Variants in MCTP2 observed in about 807,000 individuals in gnomAD.
The protein encoded by MCTP2 is multiple C2 and transmembrane domain-containing protein 2.
In MCTP2, 132 loss-of-function variants were observed where a neutral mutation model predicts 111.6. The ratio of observed to expected loss-of-function variants is 1.18; its 90% confidence interval spans 1.03 to 1.37. MCTP2 has a LOEUF of 1.37. Ranked by LOEUF, MCTP2 falls within the 40% of genes most tolerant of loss-of-function variation. The pLI, the probability that MCTP2 is intolerant of heterozygous loss-of-function variation, is 0.00. For synonymous variants in MCTP2, 395 were observed against 387.7 expected (o/e 1.02, Z -0.22); for missense variants, 1,183 against 1,067.9 (o/e 1.11, Z -1.50).
chr15:94,437,155 CAAAAAAAAA>C (rs11352999), intron 17 of MCTP2, among the ~76,000 whole-genome samples: 976 of 69,642 alleles, frequency 0.014, 18 homozygotes, highest in African/African-American at 0.05. Context: ...CTTACACATC[CAAAAAAAAA>C]AAAAAAAAAA....
chr15:94,248,742 A>T (rs1416345361), intron 1 of MCTP2, among the ~76,000 whole-genome samples: 2 of 152,220 alleles, frequency 1.3e-5, no homozygotes, highest in Non-Finnish European at 2.9e-5. Context: ...TGTTTGGTGA[A>T]CAATGAGCCA....
chr15:94,386,614 A>G (rs983089759), intron 14 of MCTP2, among the ~76,000 whole-genome samples: 2 of 152,254 alleles, frequency 1.3e-5, no homozygotes, highest in East Asian at 1.9e-4. Flanking sequence ...GCTCTCAGAG[A>G]GGAGATGGCA....
intron 1 of MCTP2, among the ~76,000 whole-genome samples, chr15:94,290,327 T>C (rs540125988): frequency 6.6e-6 from 1 of 152,302 alleles, no homozygotes; most frequent in African/African-American, 2.4e-5. Flanking sequence ...TCTGTTCCAA[T>C]TGAAGTGGTA....
chr15:94,234,198 T>G (rs1286919307), intron 1 of MCTP2, among the ~76,000 whole-genome samples: 1 of 152,036 alleles, frequency 6.6e-6, no homozygotes, highest in African/African-American at 2.4e-5. Flanking sequence ...GAGGAGAGTA[T>G]GTAGGGGATA....
At chr15:94,464,441 G>A (rs2085475120) in intron 20 of MCTP2, among the ~76,000 whole-genome samples, 1 of 150,436 alleles carries the variant, frequency 6.6e-6, no homozygotes, top group Non-Finnish European at 1.5e-5. Flanking sequence ...ACTCTTCTAT[G>A]CTTGATATTG....
rs1168909587 is a variant in MCTP2 at position 94,390,090 on chromosome 15, GTATATATATATATATATA to G, written c.1788+4571_1788+4588del. On this transcript the variant is annotated intron_variant, in intron 14 of 22. Transcript: ENST00000357742. The stretch of plus-strand genomic sequence containing the variant: ...TATATATATATATATATATATATAT[GTATATATATATATATATA>G]TATATGTATATATATATATATATAC... Among the ~76,000 whole-genome samples, 205 of 64,928 alleles carry G rather than the reference GTATATATATATATATATA, an allele frequency of 3.2e-3. 8 individuals carry two copies. Among genetic ancestry groups the G allele is most frequent in the Middle Eastern group, 8.9e-3 (1 of 112 alleles). The allele number at this position is 64,928 out of a possible 152,430, so 42.6% of individuals were successfully genotyped here.
chr15:94,365,581 T>C (rs1434497729), intron 10 of MCTP2, among the ~76,000 whole-genome samples: 5 of 152,224 alleles, frequency 3.3e-5, no homozygotes, highest in Non-Finnish European at 5.9e-5. Flanking sequence ...TTCACAGTTA[T>C]TCCAATTATG....
At chr15:94,435,663 GCT>G (rs1194587982) in intron 17 of MCTP2, among the ~76,000 whole-genome samples, 2 of 99,808 alleles carry the variant, frequency 2.0e-5, no homozygotes, top group South Asian at 3.6e-4. Context: ...ACGGAGTCTC[GCT>G]CTGTCGCCCA....
At chr15:94,245,224 A>ATGTGTATG (rs2071745008) in intron 1 of MCTP2, among the ~76,000 whole-genome samples, 1 of 144,324 alleles carries the variant, frequency 6.9e-6, no homozygotes, top group Non-Finnish European at 1.5e-5. Context: ...ATGTGTATAT[A>ATGTGTATG]TACATATGTA....
Position 94,340,922 on chromosome 15 carries a change from C to T in MCTP2, c.967C>T (p.His323Tyr). Residue 323 changes from histidine (H) to tyrosine (Y), a missense_variant and splice_region_variant, in exon 7 of 23, where the codon CAC becomes TAC. By Grantham distance (83) the His-to-Tyr change is moderately conservative. Transcript: ENST00000357742. ...LVVKQGDFKR[H>Y]RWSNRKRLSA... ...GGTAAAACAGGGTGATTTCAAGAGA[C>T]ACGTAAGTGGGACCTTCTATTCTTT... The T allele has an allele frequency of 6.4e-7, 1 of 1,574,198 alleles. No individual in the cohort carries two copies. Among genetic ancestry groups the T allele is most frequent in the Non-Finnish European group, 8.7e-7 (1 of 1,143,934 alleles).
chr15:94,403,233 TAA>T (rs2081697050), intron 17 of MCTP2: 2 of 985,208 alleles, frequency 2.0e-6, no homozygotes, highest in Non-Finnish European at 2.4e-6. Context: ...TTGGCCTTAA[TAA>T]AAACACTAAT....
In MCTP2 at chr15:94,443,981, C is replaced by CAAAAAAAA. The variant is rs58768404; in HGVS notation, c.2250+1039_2250+1046dup. Among the ~76,000 whole-genome samples the CAAAAAAAA allele has an allele frequency of 6.2e-4, 43 of 69,410 alleles. 1 individual carries two copies. Among genetic ancestry groups the CAAAAAAAA allele is most frequent in the African/African-American group, 2.2e-3 (36 of 16,162 alleles). The allele number at this position is 69,410 out of a possible 152,430, so 45.5% of individuals were successfully genotyped here. A position where few individuals can be genotyped will look rare whatever the true frequency, so the allele number is the denominator to read the frequency against. On this transcript the variant is annotated intron_variant, in intron 19 of 22. Coordinates refer to ENST00000357742, the MANE Select transcript of MCTP2 (RefSeq NM_001385001.1). ...TAAGGTTTATAATGGGATATTTTAC[C>CAAAAAAAA]AAAAAAAAAAAAAAAAAAAAAAAAA...
chr15:94,307,095 T>G (rs1042458002), intron 2 of MCTP2, among the ~76,000 whole-genome samples: 1 of 152,186 alleles, frequency 6.6e-6, no homozygotes, highest in Non-Finnish European at 1.5e-5. Flanking sequence ...TTCCTTCCCT[T>G]CGCACCTGTT....
chr15:94,303,860 G>A (rs1430684954), intron 2 of MCTP2, among the ~76,000 whole-genome samples: 1 of 152,064 alleles, frequency 6.6e-6, no homozygotes, highest in African/African-American at 2.4e-5. Flanking sequence ...CATTTTCATA[G>A]CATGTCACTT....
chr15:94,473,810 G>A (rs1200847805), intron 21 of MCTP2, among the ~76,000 whole-genome samples: 5 of 152,198 alleles, frequency 3.3e-5, no homozygotes, highest in African/African-American at 1.2e-4. Context: ...CCCAACCAGT[G>A]TATTACAGTT....
chr15:94,325,959 A>G (rs1314992463), intron 4 of MCTP2, among the ~76,000 whole-genome samples: 1 of 151,446 alleles, frequency 6.6e-6, no homozygotes, highest in Admixed American at 6.6e-5. Flanking sequence ...AGCTGGGATT[A>G]CAGGCATGCG....
In MCTP2 at chr15:94,339,387, A is replaced by T; in HGVS notation, c.735A>T (p.Ile245=). 1 of 1,611,380 alleles carries T rather than the reference A, an allele frequency of 6.2e-7. No individual in the cohort carries two copies. The highest frequency in any genetic ancestry group is 8.5e-7 in the Non-Finnish European group (1 of 1,178,474). The part of the protein sequence containing the change: ...YKNLNPVWDE[I]VVLPIQSLDQ... ...ACTTGAACCCAGTATGGGATGAGAT[A>T]GTTGTATTGCCAATCCAAAGCCTTG... The change falls in exon 5 of 23, where the codon ATA becomes ATT. Residue 245 remains isoleucine (I), a synonymous_variant. Transcript: ENST00000357742.
At chr15:94,327,928 A>T (rs112788121) in intron 4 of MCTP2, among the ~76,000 whole-genome samples, 1 of 152,028 alleles carries the variant, frequency 6.6e-6, no homozygotes, top group African/African-American at 2.4e-5. Context: ...GAGTCAGTTT[A>T]TCTGTTTCTG....
intron 19 of MCTP2, among the ~76,000 whole-genome samples, chr15:94,453,738 C>T (rs879329005): frequency 6.6e-6 from 1 of 152,084 alleles, no homozygotes; most frequent in Non-Finnish European, 1.5e-5. Flanking sequence ...TTTCTTAAGA[C>T]AGTTGTTGAT....
Sources: allele counts gnomAD v4.1 joint callset (sites outside exome capture counted in the v4.1 genomes callset), GRCh38; gene constraint gnomAD v4.1.1; transcripts MANE v1.5; gene names NCBI Gene and HGNC (gene_info 2026-07-23, HGNC 2026-07-21).